The following ZFYVE9 variants were observed in gnomAD, a reference collection of about 807,000 sequenced individuals.
The protein encoded by ZFYVE9 is zinc finger FYVE-type containing 9.
A neutral mutation model predicts 126.7 loss-of-function variants in ZFYVE9; 43 were observed. The ratio of observed to expected loss-of-function variants is 0.34; its 90% confidence interval spans 0.27 to 0.44. The LOEUF is 0.44. ZFYVE9 is among the 20% of genes least tolerant of loss of function. ZFYVE9 has a pLI of 1.00. For missense variants in ZFYVE9, 1,476 were observed against 1,697.0 expected, an observed-to-expected ratio of 0.87 and a Z score of 2.29; for synonymous variants, 521 against 597.4, an observed-to-expected ratio of 0.87 and a Z score of 1.87.
At chr1:52,330,663 C>A (rs758434103) in intron 13 of ZFYVE9, among the ~76,000 whole-genome samples, 28 of 152,094 alleles carry the variant, frequency 1.8e-4, no homozygotes, top group Non-Finnish European at 3.2e-4. Flanking sequence ...ACTTTCATCA[C>A]CATCTTGGTT....
At chr1:52,219,441 G>T (rs556072786) in intron 2 of ZFYVE9, among the ~76,000 whole-genome samples, 1 of 151,954 alleles carries the variant, frequency 6.6e-6, no homozygotes, top group East Asian at 1.9e-4. Flanking sequence ...TTTTTTGGCC[G>T]TTCAGATTGC....
chr1:52,200,132 C>CT (rs1370051190), intron 1 of ZFYVE9, among the ~76,000 whole-genome samples: 1 of 151,266 alleles, frequency 6.6e-6, no homozygotes, highest in South Asian at 2.1e-4. Context: ...TGTGGCTTGT[C>CT]TTTTCATCCT....
chr1:52,173,488 C>G (rs1644592575), intron 1 of ZFYVE9, among the ~76,000 whole-genome samples: 1 of 152,256 alleles, frequency 6.6e-6, no homozygotes, highest in Middle Eastern at 3.4e-3. Context: ...CTCTGCCCGG[C>G]TTTGGTATCA....
chr1:52,263,078 C>CA (rs759753454), intron 4 of ZFYVE9, among the ~76,000 whole-genome samples: 15,131 of 69,936 alleles, frequency 0.22, 1,167 homozygotes, highest in Middle Eastern at 0.34. Context: ...AATTGTGTCT[C>CA]AAAAAAAAAA....
intron 1 of ZFYVE9, among the ~76,000 whole-genome samples, chr1:52,167,073 A>G (rs932151291): frequency 1.3e-5 from 2 of 152,258 alleles, no homozygotes; most frequent in Non-Finnish European, 2.9e-5. Context: ...ATAAAAAGAA[A>G]TGTCTGCTTC....
chr1:52,328,015 A>C (rs752361703), intron 13 of ZFYVE9, among the ~76,000 whole-genome samples: 3 of 152,056 alleles, frequency 2.0e-5, no homozygotes, highest in Non-Finnish European at 2.9e-5. Flanking sequence ...ATAGTAATGC[A>C]AAGCCTCAGG....
chr1:52,267,064 C>T (rs1343046624), intron 6 of ZFYVE9, among the ~76,000 whole-genome samples: 1 of 152,180 alleles, frequency 6.6e-6, no homozygotes, highest in African/African-American at 2.4e-5. Context: ...TGTCAGTCTC[C>T]TCTCCAACTT....
chr1:52,299,942 T>C (rs114495846), intron 12 of ZFYVE9, among the ~76,000 whole-genome samples: 1,652 of 152,338 alleles, frequency 0.011, 25 homozygotes, highest in African/African-American at 0.038. Context: ...ATTCAGGGTT[T>C]GTGAGGACCG....
chr1:52,296,063 T>C (rs1241558698), intron 12 of ZFYVE9, 86 bp downstream of exon 12: 77 of 1,238,666 alleles, frequency 6.2e-5, no homozygotes, highest in Non-Finnish European at 8.6e-5. Flanking sequence ...TCTTGGTAGC[T>C]GTGCCCAAGC....
At chr1:52,341,340 T>C (rs1646435868) in intron 17 of ZFYVE9, among the ~76,000 whole-genome samples, 1 of 152,226 alleles carries the variant, frequency 6.6e-6, no homozygotes, top group African/African-American at 2.4e-5. Flanking sequence ...CTAAGCTCTT[T>C]CCCACTGTAT....
At position 52,237,476 on chromosome 1, in the gene ZFYVE9, A is replaced by T. The variant is rs1645283563; in HGVS notation, c.71-12A>T. ...ACAAGCAAACTTATTGTAATTACTT[A>T]TTTTTTTCCAGATGAAACAGTTTCT... is the stretch of plus-strand genomic sequence containing the variant. On this transcript the variant is annotated splice_polypyrimidine_tract_variant and intron_variant, in intron 3 of 18. Coordinates refer to ENST00000287727, the MANE Select transcript of ZFYVE9 (RefSeq NM_004799.4). 1 of 1,578,108 alleles carries T rather than the reference A, an allele frequency of 6.3e-7. No homozygotes were observed. The highest frequency in any genetic ancestry group is 2.3e-5 in the East Asian group (1 of 44,364).
chr1:52,260,490 C>T (rs1003143380), intron 4 of ZFYVE9, among the ~76,000 whole-genome samples: 2 of 152,022 alleles, frequency 1.3e-5, no homozygotes, highest in Non-Finnish European at 2.9e-5. Context: ...TGTGCCCATA[C>T]AGATCTGATC....
intron 1 of ZFYVE9, among the ~76,000 whole-genome samples, chr1:52,182,204 A>G (rs1169430735): frequency 4.6e-5 from 7 of 151,880 alleles, no homozygotes; most frequent in Non-Finnish European, 7.4e-5. Flanking sequence ...CCCTACTGGG[A>G]AGTGAGGAGC....
At chr1:52,288,055 T>A (rs1645880204) in intron 10 of ZFYVE9, among the ~76,000 whole-genome samples, 1 of 152,248 alleles carries the variant, frequency 6.6e-6, no homozygotes, top group Non-Finnish European at 1.5e-5. Flanking sequence ...TTTTGAACAC[T>A]TAATATATGC....
intron 1 of ZFYVE9, chr1:52,150,031 A>G (rs1236732341): frequency 6.6e-6 from 1 of 152,206 alleles, no homozygotes; most frequent in Non-Finnish European, 1.5e-5. Flanking sequence ...AAGAAAGAGT[A>G]AATTGTACAT....
In ZFYVE9 at chr1:52,274,568, C is replaced by T. The variant is rs760677006; in HGVS notation, c.2730C>T (p.Ser910=). The T allele has an allele frequency of 3.1e-6, 5 of 1,611,022 alleles. No homozygotes were observed. The highest frequency in any genetic ancestry group is 4.2e-6 in the Non-Finnish European group (5 of 1,178,068). The change falls in exon 8 of 19, where the codon TCC becomes TCT. Residue 910 remains serine (S), a synonymous_variant. Transcript: ENST00000287727. The part of the protein sequence containing the change: ...PEDGLPPILI[S]TGVKGDYAVE... The stretch of plus-strand genomic sequence containing the variant: ...ATGGCCTTCCTCCCATTCTCATCTC[C>T]ACTGGTGTAAAAGGAGGTAAGTGGA...
chr1:52,242,031 CTTTTTTTTTTT>C (rs975430437), intron 4 of ZFYVE9, among the ~76,000 whole-genome samples: 6 of 106,444 alleles, frequency 5.6e-5, no homozygotes, highest in Non-Finnish European at 1.1e-4. Context: ...TCATGGCAAT[CTTTTTTTTTTT>C]TTTTTTTTTT....
At chr1:52,331,893 C>T (rs1480000291) in intron 13 of ZFYVE9, among the ~76,000 whole-genome samples, 3 of 151,346 alleles carry the variant, frequency 2.0e-5, no homozygotes, top group African/African-American at 7.3e-5. Context: ...ATTCGCCTGC[C>T]TCAGCCTCCT....
intron 3 of ZFYVE9, among the ~76,000 whole-genome samples, chr1:52,233,655 T>C (rs182735291): frequency 3.9e-5 from 6 of 152,160 alleles, no homozygotes; most frequent in Non-Finnish European, 8.8e-5. Flanking sequence ...CTAAGAAAAA[T>C]AGCTCGTTCT....
Sources: allele counts gnomAD v4.1 joint callset (sites outside exome capture counted in the v4.1 genomes callset), GRCh38; gene constraint gnomAD v4.1.1; transcripts MANE v1.5; gene names NCBI Gene and HGNC (gene_info 2026-07-23, HGNC 2026-07-21).